PPP2R2B: variants seen among roughly 807,000 people sequenced by gnomAD.
The protein encoded by PPP2R2B is serine/threonine-protein phosphatase 2A 55 kDa regulatory subunit B beta isoform.
In PPP2R2B, 5 loss-of-function variants were observed where a neutral mutation model predicts 46.0. That is an observed-to-expected ratio of 0.11 (90% CI 0.06 to 0.23). The LOEUF is 0.23. Ranked by LOEUF, PPP2R2B falls within the 10% of genes least tolerant of loss-of-function variation. The probability of loss-of-function intolerance (pLI) is 1.00; values close to 1 mark genes in which losing one functional copy is unlikely to be tolerated. For missense variants in PPP2R2B, 367 were observed against 575.0 expected (o/e 0.64, Z 3.70); for synonymous variants, 215 against 206.7 (o/e 1.04, Z -0.34).
intron 2 of PPP2R2B, among the ~76,000 whole-genome samples, chr5:146,844,912 A>C (rs1759892223): frequency 6.6e-6 from 1 of 152,182 alleles, no homozygotes; most frequent in South Asian, 2.1e-4. Flanking sequence ...TTCCTAATCA[A>C]GAAGCCCCTT....
At chr5:146,870,570 A>C (rs1233917748) in intron 2 of PPP2R2B, among the ~76,000 whole-genome samples, 2 of 152,200 alleles carry the variant, frequency 1.3e-5, no homozygotes, top group African/African-American at 4.8e-5. Flanking sequence ...TTATTTAGGC[A>C]ACCCAGTATG....
intron 2 of PPP2R2B, among the ~76,000 whole-genome samples, chr5:146,757,236 G>T (rs1307824924): frequency 6.6e-6 from 1 of 152,180 alleles, no homozygotes; most frequent in African/African-American, 2.4e-5. Flanking sequence ...GTTTTGTGCT[G>T]TGTACAAAGG....
At chr5:146,892,813 A>G (rs1762531344) in intron 1 of PPP2R2B, among the ~76,000 whole-genome samples, 1 of 152,210 alleles carries the variant, frequency 6.6e-6, no homozygotes, top group Non-Finnish European at 1.5e-5. Context: ...AAAAAAGTTA[A>G]TTTAACTTTG....
intron 1 of PPP2R2B, among the ~76,000 whole-genome samples, chr5:146,934,583 GAAAAAAAAA>G (rs3062352): frequency 9.5e-5 from 3 of 31,490 alleles, no homozygotes; most frequent in Non-Finnish European, 1.3e-4. Context: ...TTTTTCATAA[GAAAAAAAAA>G]AAAAAAAAAA....
At chr5:146,759,326 C>T (rs987306133) in intron 2 of PPP2R2B, among the ~76,000 whole-genome samples, 1 of 152,078 alleles carries the variant, frequency 6.6e-6, no homozygotes, top group Non-Finnish European at 1.5e-5. Context: ...ATATACTTCC[C>T]CTCTACCTCA....
intron 1 of PPP2R2B, among the ~76,000 whole-genome samples, chr5:146,934,720 C>A (rs1764085678): frequency 6.6e-6 from 1 of 151,240 alleles, no homozygotes; most frequent in Non-Finnish European, 1.5e-5. Flanking sequence ...AAAGTTGCAT[C>A]CAATTTCCTC....
intron 1 of PPP2R2B, among the ~76,000 whole-genome samples, chr5:146,921,748 T>G (rs1258606656): frequency 1.3e-5 from 2 of 152,152 alleles, no homozygotes; most frequent in African/African-American, 4.8e-5. Context: ...TGACACTCAT[T>G]ACCTGTACAC....
At chr5:147,055,441 A>G (rs1757035723) in intron 1 of PPP2R2B, among the ~76,000 whole-genome samples, 1 of 152,216 alleles carries the variant, frequency 6.6e-6, no homozygotes, top group African/African-American at 2.4e-5. Flanking sequence ...GTCAGCTTTG[A>G]GATTACCTCT....
chr5:146,947,120 A>G (rs779493965), intron 1 of PPP2R2B, among the ~76,000 whole-genome samples: 15 of 152,168 alleles, frequency 9.9e-5, no homozygotes, highest in Non-Finnish European at 5.9e-5. Context: ...GAAAAATTCC[A>G]TAATATGAGG....
At chr5:146,696,737 T>C (rs561089635) in intron 4 of PPP2R2B, among the ~76,000 whole-genome samples, 100 of 152,306 alleles carry the variant, frequency 6.6e-4, no homozygotes, top group Non-Finnish European at 1.1e-3. Flanking sequence ...GATCTGGTCA[T>C]GAGGAGATGA....
chr5:146,766,425 T>C (rs1754480149), intron 2 of PPP2R2B, among the ~76,000 whole-genome samples: 1 of 152,178 alleles, frequency 6.6e-6, no homozygotes, highest in East Asian at 1.9e-4. Context: ...GCTAAATGCC[T>C]AAGCCAGGAG....
rs571210700 is a variant in PPP2R2B, at chr5:146,624,765, G to T, written c.790+13486C>A. Among the ~76,000 whole-genome samples, 7 of 152,302 alleles carry T rather than the reference G, an allele frequency of 4.6e-5. No homozygotes were observed. In the East Asian group the frequency reaches 1.3e-3, roughly 29 times the overall value. ...CCTTTGCACAGAAGACAATGTGAAT[G>T]GGGGCTGTGTGGTGCAAGGGGACTG... On this transcript the variant is annotated intron_variant, in intron 7 of 9. Transcript: ENST00000394411.
chr5:146,965,013 A>G (rs1378790123), intron 1 of PPP2R2B, among the ~76,000 whole-genome samples: 1 of 152,080 alleles, frequency 6.6e-6, no homozygotes, highest in Non-Finnish European at 1.5e-5. Context: ...GCATACCATC[A>G]CCTAAACATA....
chr5:146,891,423 T>C (rs1052545111), intron 1 of PPP2R2B, among the ~76,000 whole-genome samples: 2 of 152,258 alleles, frequency 1.3e-5, no homozygotes, highest in African/African-American at 2.4e-5. Flanking sequence ...TGTCATTGTC[T>C]ACATGGATGC....
At chr5:146,860,920 G>A (rs1164211727) in intron 2 of PPP2R2B, among the ~76,000 whole-genome samples, 2 of 152,032 alleles carry the variant, frequency 1.3e-5, no homozygotes, top group African/African-American at 4.8e-5. Context: ...ATAAATCTAA[G>A]GGCCAGGCTC....
At chr5:146,914,074 G>A (rs1763286845) in intron 1 of PPP2R2B, 1 of 147,306 alleles carries the variant, frequency 6.8e-6, no homozygotes, top group African/African-American at 2.6e-5. Context: ...AATTTCCAAT[G>A]TTTGAAAGAG....
chr5:146,698,069 A>G lies in PPP2R2B; in HGVS notation c.244T>C (p.Tyr82His), dbSNP rs770684850. 1 of 1,613,370 alleles carries G rather than the reference A, an allele frequency of 6.2e-7. No homozygotes were observed. The highest frequency in any genetic ancestry group is 1.1e-5 in the South Asian group (1 of 91,052). ...TFQSHEPEFD[Y>H]LKSLEIEEKI... ...TCTTCTATTTCTAAACTCTTCAGGT[A>G]ATCGAACTCGGGTTCATGGCTCTGG... Residue 82 changes from tyrosine (Y) to histidine (H), a missense_variant, in exon 4 of 10, where the codon TAC becomes CAC. Physicochemically the swap from Tyr to His is moderately conservative, Grantham distance 83 (BLOSUM62 2). Transcript: ENST00000394411.
At chr5:146,859,309 ATTACTATT>A (rs1760849119) in intron 2 of PPP2R2B, among the ~76,000 whole-genome samples, 1 of 152,202 alleles carries the variant, frequency 6.6e-6, no homozygotes, top group Non-Finnish European at 1.5e-5. Context: ...ATAAGATGAC[ATTACTATT>A]TTACATAACT....
chr5:146,904,219 A>C (rs186701106), intron 1 of PPP2R2B, among the ~76,000 whole-genome samples: 1 of 152,334 alleles, frequency 6.6e-6, no homozygotes, highest in Admixed American at 6.5e-5. Context: ...AGAAGGAGAA[A>C]AAAATTTTTG....
Sources: allele counts gnomAD v4.1 joint callset (sites outside exome capture counted in the v4.1 genomes callset), GRCh38; gene constraint gnomAD v4.1.1; transcripts MANE v1.5; gene names NCBI Gene and HGNC (gene_info 2026-07-23, HGNC 2026-07-21).